Variants in EVI2B observed in about 807,000 individuals in gnomAD.
EVI2B encodes the protein protein EVI2B.
EVI2B carries 4 observed loss-of-function variants against 6.6 expected under a neutral mutation model. The ratio of observed to expected loss-of-function variants is 0.61; its 90% CI spans 0.30 to 1.39. The LOEUF is 1.39. Among genes scored for constraint, EVI2B ranks in the 40% most tolerant of loss-of-function variants. The pLI is 0.08. For synonymous variants in EVI2B, 181 were observed against 186.8 expected (o/e 0.97, Z 0.25); for missense variants, 484 against 516.6 (o/e 0.94, Z 0.61).
chr17:31,309,493 C>T (rs1359376891), intron 1 of EVI2B, among the ~76,000 whole-genome samples: 1 of 152,066 alleles, frequency 6.6e-6, no homozygotes, highest in African/African-American at 2.4e-5. Flanking sequence ...ACCCATTATT[C>T]TTATAGATTA....
Position 31,305,067 on chromosome 17 carries a change from T to C in EVI2B, c.543A>G (p.Thr181=). 1 of 1,614,216 alleles carries C rather than the reference T, an allele frequency of 6.2e-7. No homozygotes were observed. Among genetic ancestry groups the C allele is most frequent in the Non-Finnish European group, 8.5e-7 (1 of 1,180,030 alleles). ...TSTVKNSPRS[T]PGFILDTTSN... ...TGGTAGTATCTAAGATAAATCCTGG[T>C]GTACTCCTAGGTGAATTTTTGACAG... Residue 181 remains threonine, a synonymous_variant, in exon 2 of 2, where the codon ACA becomes ACG. Transcript: ENST00000330927.
chr17:31,305,061 T>A lies in EVI2B; in HGVS notation c.549A>T (p.Gly183=). The change falls in exon 2 of 2, where the codon GGA becomes GGT. Residue 183 remains glycine (G), a synonymous_variant. Coordinates refer to ENST00000330927, the MANE Select transcript of EVI2B (RefSeq NM_006495.4). ...TGTTACTGGTAGTATCTAAGATAAA[T>A]CCTGGTGTACTCCTAGGTGAATTTT... is the stretch of plus-strand genomic sequence containing the variant. The part of the protein sequence containing the change: ...TVKNSPRSTP[G]FILDTTSNKQ... The A allele has an allele frequency of 1.2e-6, 2 of 1,614,192 alleles. No homozygotes were observed. Among genetic ancestry groups the A allele is most frequent in the South Asian group, 2.2e-5 (2 of 91,086 alleles).
chr17:31,310,428 G>A (rs990669658), intron 1 of EVI2B, among the ~76,000 whole-genome samples: 4 of 151,146 alleles, frequency 2.6e-5, no homozygotes, highest in Non-Finnish European at 5.9e-5. Flanking sequence ...AAATGAAGTT[G>A]GGGGTGGGGG....
intron 1 of EVI2B, among the ~76,000 whole-genome samples, chr17:31,308,433 G>C (rs1302309982): frequency 6.6e-6 from 1 of 152,058 alleles, no homozygotes; most frequent in Non-Finnish European, 1.5e-5. Flanking sequence ...GAGCCACCAC[G>C]CCTGGCCTGT....
intron 1 of EVI2B, among the ~76,000 whole-genome samples, chr17:31,309,623 A>G (rs1460257824): frequency 6.6e-6 from 1 of 152,220 alleles, no homozygotes; most frequent in Non-Finnish European, 1.5e-5. Context: ...GTCTTTAGCC[A>G]AAAATGTTTC....
intron 1 of EVI2B, among the ~76,000 whole-genome samples, chr17:31,312,537 T>G (rs982868765): frequency 1.3e-5 from 2 of 148,656 alleles, no homozygotes; most frequent in Non-Finnish European, 3.0e-5. Flanking sequence ...AAAAAAAAAG[T>G]ATGGGATTCT....
In EVI2B at chr17:31,305,237, C is replaced by T. The variant is rs999235860; in HGVS notation, c.373G>A (p.Ala125Thr). The T allele has an allele frequency of 6.2e-7, 1 of 1,614,112 alleles. No homozygotes were observed. Among genetic ancestry groups the T allele is most frequent in the African/African-American group, 1.3e-5 (1 of 75,012 alleles). Reference sequence around the variant, plus strand: ...GTACGGGCAGATGGTAGTTGTCTGGCAGAGGTGAACACGGCTTGCTGGGAG... The same window carrying T: ...GTACGGGCAGATGGTAGTTGTCTGGTAGAGGTGAACACGGCTTGCTGGGAG... Reference protein sequence around the residue: ...TSSQQAVFTSARQLPSARTST... With the variant: ...TSSQQAVFTSTRQLPSARTST... Residue 125 changes from alanine (A) to threonine (T), a missense_variant, in exon 2 of 2, where the codon GCC (alanine) becomes ACC (threonine). By Grantham distance (58) the Ala-to-Thr change is moderately conservative. Coordinates refer to ENST00000330927, the MANE Select transcript of EVI2B (RefSeq NM_006495.4).
At chr17:31,311,049 C>T (rs1157015258) in intron 1 of EVI2B, among the ~76,000 whole-genome samples, 6 of 150,846 alleles carry the variant, frequency 4.0e-5, no homozygotes, top group African/African-American at 2.4e-5. Context: ...TGGGCTCAAG[C>T]GATCCTCCTC....
rs368840455 is a variant in EVI2B, at chr17:31,304,902, T to A, written c.708A>T (p.Gln236His). Residue 236 changes from glutamine to histidine, a missense_variant, in exon 2 of 2, where the codon CAA (glutamine) becomes CAT (histidine). By Grantham distance (24) the Gln-to-His change is conservative (BLOSUM62 0). Coordinates refer to ENST00000330927, the MANE Select transcript of EVI2B (RefSeq NM_006495.4). Reference sequence around the variant, plus strand: ...CAAATGGAGATCTACCTGCCCAATTTTGATCATTTAAAACTGGTTTCCTTA... The same window carrying A: ...CAAATGGAGATCTACCTGCCCAATTATGATCATTTAAAACTGGTTTCCTTA... The part of the protein sequence containing the change: ...KCLRKPVLND[Q>H]NWAGRSPFAD... 2.7e-5 allele frequency: 43 copies of A among 1,614,048 alleles called. No individual in the cohort carries two copies. In the Admixed American group the frequency reaches 4.0e-4, roughly 15 times the overall value.
At chr17:31,308,688 A>T (rs1219088607) in intron 1 of EVI2B, among the ~76,000 whole-genome samples, 3 of 151,566 alleles carry the variant, frequency 2.0e-5, no homozygotes, top group Admixed American at 6.6e-5. Context: ...CTGGCTGCAT[A>T]TCTGAATCTG....
intron 1 of EVI2B, among the ~76,000 whole-genome samples, chr17:31,310,440 A>G (rs2068840535): frequency 1.3e-5 from 2 of 150,970 alleles, no homozygotes; most frequent in Non-Finnish European, 3.0e-5. Context: ...GGGTGGGGGG[A>G]GATGATTGAA....
In EVI2B at chr17:31,305,165, G is replaced by A; in HGVS notation, c.445C>T (p.Gln149Ter). ...GAAGGGATCTGGACAGATGATGATT[G>A]TTGAGTAAAAGTATAGACAAATGAC... ...PKSFVYTFTQ[Q>*]SSSVQIPSRK... is the part of the protein sequence containing the mutation. The change falls in exon 2 of 2, where the codon CAA (glutamine) becomes TAA (stop). Residue 149 changes from glutamine to a stop codon, truncating the protein, a stop_gained. Coordinates refer to ENST00000330927, the MANE Select transcript of EVI2B (RefSeq NM_006495.4). LOFTEE classifies it low-confidence loss of function (END_TRUNC). 6.2e-7 allele frequency: 1 copy of A among 1,614,178 alleles called. No homozygotes were observed. The highest frequency in any genetic ancestry group is 8.5e-7 in the Non-Finnish European group (1 of 1,180,030).
In EVI2B at chr17:31,313,713, A is replaced by T. The variant is rs1395867091; in HGVS notation, c.-22+266T>A. ...AGAGCAAGACTCTATCTCAAAAAAA[A>T]AAAAAAATATGTGTGTGTGTGTGTG... On this transcript the variant is annotated intron_variant, in intron 1 of 1. Transcript: ENST00000330927. Among the ~76,000 whole-genome samples the T allele has an allele frequency of 3.9e-5, 5 of 126,586 alleles. No homozygotes were observed. In the East Asian group the frequency reaches 8.4e-4, roughly 21 times the overall value. The allele number at this position is 126,586 out of a possible 152,430, so 83.0% of individuals were successfully genotyped here. A position where few individuals can be genotyped will look rare whatever the true frequency, so the allele number is the denominator to read the frequency against.
At chr17:31,307,454 C>A (rs1440576208) in intron 1 of EVI2B, among the ~76,000 whole-genome samples, 1 of 152,164 alleles carries the variant, frequency 6.6e-6, no homozygotes, top group Admixed American at 6.5e-5. Flanking sequence ...AATTAAGTTT[C>A]CAGCCAGGGA....
intron 1 of EVI2B, among the ~76,000 whole-genome samples, chr17:31,308,354 C>T (rs771279133): frequency 7.9e-5 from 12 of 151,968 alleles, no homozygotes; most frequent in East Asian, 1.9e-4. Flanking sequence ...TTGTCCAGAC[C>T]GGTCTCGAAC....
In EVI2B at chr17:31,304,414, T is replaced by C. The variant is rs901270381; in HGVS notation, c.1196A>G (p.Asp399Gly). ...SEIIQSFPPL[D>G]SLNLPLPPVD... ...TGGTGGCAGGGGCAAGTTAAGTGAGTCAAGCGGTGGAAATGATTGTATTAT... is the reference window on the plus strand; with the variant it reads ...TGGTGGCAGGGGCAAGTTAAGTGAGCCAAGCGGTGGAAATGATTGTATTAT... The change falls in exon 2 of 2, where the codon GAC (aspartate) becomes GGC (glycine). Residue 399 changes from aspartate to glycine, a missense_variant. By Grantham distance (94) the Asp-to-Gly change is moderately conservative (BLOSUM62 -1). Coordinates refer to ENST00000330927, the MANE Select transcript of EVI2B (RefSeq NM_006495.4). 1.2e-6 allele frequency: 2 copies of C among 1,613,954 alleles called. No homozygotes were observed. The highest frequency in any genetic ancestry group is 1.7e-6 in the Non-Finnish European group (2 of 1,180,006).
At chr17:31,308,201 G>C (rs981403743) in intron 1 of EVI2B, among the ~76,000 whole-genome samples, 1 of 151,488 alleles carries the variant, frequency 6.6e-6, no homozygotes, top group Non-Finnish European at 1.5e-5. Context: ...GCAGTGGCAT[G>C]ATCTTGTCTC....
In EVI2B at chr17:31,305,599, T is replaced by C; in HGVS notation, c.11A>G (p.Lys4Arg). MDP[K>R]YFILILFCGH... ...ACAAAACAAAATTAAGATGAAATAT[T>C]TGGGATCCATTTCAGAATATTTCCT... is the stretch of plus-strand genomic sequence containing the variant. The change falls in exon 2 of 2, where the codon AAA becomes AGA. Residue 4 changes from lysine to arginine, a missense_variant. Lys to Arg is a conservative substitution (Grantham distance 26). Coordinates refer to ENST00000330927, the MANE Select transcript of EVI2B (RefSeq NM_006495.4). 3.1e-6 allele frequency: 5 copies of C among 1,612,056 alleles called. No individual in the cohort carries two copies. The highest frequency in any genetic ancestry group is 4.2e-6 in the Non-Finnish European group (5 of 1,178,858).
chr17:31,305,160 T>A lies in EVI2B; in HGVS notation c.450A>T (p.Ser150=). 6.2e-7 allele frequency: 1 copy of A among 1,614,172 alleles called. No individual in the cohort carries two copies. Among genetic ancestry groups the A allele is most frequent in the Non-Finnish European group, 8.5e-7 (1 of 1,180,044 alleles). The part of the protein sequence containing the change: ...KSFVYTFTQQ[S]SSVQIPSRKQ... ...TTCTAGAAGGGATCTGGACAGATGA[T>A]GATTGTTGAGTAAAAGTATAGACAA... The change falls in exon 2 of 2, where the codon TCA becomes TCT. Residue 150 remains serine, a synonymous_variant. Transcript: ENST00000330927.
Sources: gnomAD v4.1 joint callset for allele counts (sites outside exome capture counted in the v4.1 genomes callset) on GRCh38, gnomAD v4.1.1 for gene constraint, MANE v1.5 for transcripts, NCBI Gene and HGNC (gene_info 2026-07-23, HGNC 2026-07-21) for gene names.